Variants in STAB2 observed in about 807,000 individuals in gnomAD.
The protein encoded by STAB2 is stabilin 2, also known as stabilin-2.
In STAB2, 288 loss-of-function variants were observed where a neutral mutation model predicts 338.1. That is an observed-to-expected ratio of 0.85 (90% CI 0.77 to 0.94). STAB2 has a LOEUF of 0.94. STAB2 is among the 40% of genes least tolerant of loss of function. The probability of loss-of-function intolerance (pLI) is 0.00; values close to 1 mark genes in which losing one functional copy is unlikely to be tolerated. For synonymous variants in STAB2, 1,202 were observed against 1,193.3 expected (o/e 1.01, Z -0.15); for missense variants, 3,141 against 3,210.1 (o/e 0.98, Z 0.52).
chr12:103,730,373 AT>A (rs910470735), intron 49 of STAB2, 117 bp downstream of exon 49: 1 of 1,185,136 alleles, frequency 8.4e-7, no homozygotes, highest in Non-Finnish European at 1.2e-6. Flanking sequence ...ATCTCAAGCT[AT>A]TATTAAAAGC....
intron 40 of STAB2, 53 bp downstream of exon 40, chr12:103,711,569 A>G (rs1220853047): frequency 6.3e-7 from 1 of 1,597,196 alleles, no homozygotes; most frequent in Non-Finnish European, 8.6e-7. Flanking sequence ...TTTTTTCCCA[A>G]TATTGTCTAC....
chr12:103,735,967 C>A (rs142207340), intron 52 of STAB2, among the ~76,000 whole-genome samples: 1 of 152,294 alleles, frequency 6.6e-6, no homozygotes, highest in African/African-American at 2.4e-5. Context: ...CCTCTCTTGT[C>A]AGTCAGGGCC....
intron 64 of STAB2, among the ~76,000 whole-genome samples, chr12:103,758,658 T>G (rs1396984644): frequency 1.3e-5 from 2 of 152,216 alleles, no homozygotes; most frequent in African/African-American, 4.8e-5. Context: ...ATAGGTCACA[T>G]GACTGAGCCC....
At chr12:103,648,571 T>A in intron 9 of STAB2, 119 bp from the exon 10 acceptor site, 1 of 1,351,978 alleles carries the variant, frequency 7.4e-7, no homozygotes, top group Non-Finnish European at 1.0e-6. Context: ...AATGCTCTCT[T>A]GTCCCTATTC....
At chr12:103,672,025 T>C (rs1593212992) in intron 22 of STAB2, among the ~76,000 whole-genome samples, 2 of 152,346 alleles carry the variant, frequency 1.3e-5, no homozygotes, top group Admixed American at 1.3e-4. Context: ...TAGTGGTACC[T>C]ACATTATAGT....
At chr12:103,627,999 T>C (rs1456027165) in intron 5 of STAB2, among the ~76,000 whole-genome samples, 1 of 152,196 alleles carries the variant, frequency 6.6e-6, no homozygotes, top group Admixed American at 6.5e-5. Context: ...TATTTTTGAA[T>C]TGAATTGAAT....
chr12:103,613,342 G>T (rs546624161), intron 3 of STAB2, among the ~76,000 whole-genome samples: 1 of 152,174 alleles, frequency 6.6e-6, no homozygotes, highest in Non-Finnish European at 1.5e-5. Flanking sequence ...CACCCAGTTC[G>T]AGCTTCCCGG....
chr12:103,655,568 T>C lies in STAB2; in HGVS notation c.1721T>C (p.Leu574Pro). The C allele has an allele frequency of 6.2e-7, 1 of 1,613,818 alleles. No homozygotes were observed. Among genetic ancestry groups the C allele is most frequent in the Admixed American group, 1.7e-5 (1 of 59,974 alleles). The change falls in exon 15 of 69, where the codon CTC becomes CCC. Residue 574 changes from leucine (L) to proline (P), a missense_variant. Transcript: ENST00000388887. ...NNMKDGTLDY[L>P]LSPEGSRKLL... is the part of the protein sequence containing the mutation. Reference sequence around the variant, plus strand: ...ATGAAGGACGGCACTCTCGATTACCTCCTTTCTCCAGAGGTACCGTATTCT... The same window carrying C: ...ATGAAGGACGGCACTCTCGATTACCCCCTTTCTCCAGAGGTACCGTATTCT...
chr12:103,707,569 G>A (rs1354686739), intron 38 of STAB2, among the ~76,000 whole-genome samples: 1 of 152,200 alleles, frequency 6.6e-6, no homozygotes, highest in Non-Finnish European at 1.5e-5. Context: ...CAAGACACAT[G>A]CTTTAAGTAG....
chr12:103,679,829 G>A (rs1023765603), intron 25 of STAB2, among the ~76,000 whole-genome samples: 7 of 152,154 alleles, frequency 4.6e-5, no homozygotes, highest in African/African-American at 9.6e-5. Context: ...TTAAGCACCC[G>A]TATTCATAGC....
At chr12:103,732,636 T>A (rs951274009) in intron 50 of STAB2, among the ~76,000 whole-genome samples, 1 of 152,008 alleles carries the variant, frequency 6.6e-6, no homozygotes, top group Non-Finnish European at 1.5e-5. Flanking sequence ...CGAAACCCCA[T>A]CTCTACAAAA....
chr12:103,615,568 G>A (rs986139794), intron 3 of STAB2, among the ~76,000 whole-genome samples: 3 of 152,184 alleles, frequency 2.0e-5, no homozygotes, highest in African/African-American at 7.2e-5. Flanking sequence ...AGGTAATTAT[G>A]CTTCTGAAGT....
rs1189816696 is a variant in STAB2 at position 103,648,682 on chromosome 12, C to T, written c.1041-8C>T. On this transcript the variant is annotated splice_region_variant and splice_polypyrimidine_tract_variant and intron_variant, in intron 9 of 68. Coordinates refer to ENST00000388887, the MANE Select transcript of STAB2 (RefSeq NM_017564.10). ...AACCCTGAGGATGTCTTTTCCCCCTCTCTGTAGATGCATTTGCCAGAAAGG... is the reference window on the plus strand; with the variant it reads ...AACCCTGAGGATGTCTTTTCCCCCTTTCTGTAGATGCATTTGCCAGAAAGG... 2 of 1,612,852 alleles carry T rather than the reference C, an allele frequency of 1.2e-6. No homozygotes were observed. The highest frequency in any genetic ancestry group is 3.3e-5 in the Admixed American group (2 of 59,854).
chr12:103,728,470 A>G (rs1449322767), intron 47 of STAB2, among the ~76,000 whole-genome samples: 1 of 152,232 alleles, frequency 6.6e-6, no homozygotes, highest in East Asian at 1.9e-4. Context: ...CTAAAGGTTT[A>G]AATCTGGCAC....
At chr12:103,696,064 TA>T (rs895436902) in intron 33 of STAB2, among the ~76,000 whole-genome samples, 114 of 152,292 alleles carry the variant, frequency 7.5e-4, no homozygotes, top group African/African-American at 2.7e-3. Context: ...CTTGAGCCTG[TA>T]TACACAAGGA....
At chr12:103,715,309 A>T (rs932075360) in intron 42 of STAB2, among the ~76,000 whole-genome samples, 19 of 149,948 alleles carry the variant, frequency 1.3e-4, no homozygotes, top group Non-Finnish European at 2.7e-4. Context: ...TTATACAGTT[A>T]TTTTTTTTTT....
At chr12:103,676,385 GT>G (rs1214284567) in intron 24 of STAB2, among the ~76,000 whole-genome samples, 2 of 152,158 alleles carry the variant, frequency 1.3e-5, no homozygotes, top group African/African-American at 2.4e-5. Context: ...GCTTTTTTCA[GT>G]TGATTGTTTG....
At chr12:103,609,385 C>T (rs1280389082) in intron 3 of STAB2, among the ~76,000 whole-genome samples, 1 of 152,134 alleles carries the variant, frequency 6.6e-6, no homozygotes, top group Non-Finnish European at 1.5e-5. Context: ...TGTAGTTCTC[C>T]TTGAAGAGGT....
In STAB2 at chr12:103,717,761, C is replaced by G; in HGVS notation, c.4612-9C>G. ...CAAAATGACCCCATGTGCTTCTACT[C>G]CTGGACAGGCTGCCTGTAACTGTTT... On this transcript the variant is annotated splice_polypyrimidine_tract_variant and intron_variant, in intron 43 of 68. Coordinates refer to ENST00000388887, the MANE Select transcript of STAB2 (RefSeq NM_017564.10). 6.2e-7 allele frequency: 1 copy of G among 1,614,088 alleles called. No individual in the cohort carries two copies. Among genetic ancestry groups the G allele is most frequent in the Non-Finnish European group, 8.5e-7 (1 of 1,179,986 alleles).
Sources: allele counts gnomAD v4.1 joint callset (sites outside exome capture counted in the v4.1 genomes callset), GRCh38; gene constraint gnomAD v4.1.1; transcripts MANE v1.5; gene names NCBI Gene and HGNC (gene_info 2026-07-23, HGNC 2026-07-21).